KMT2C: variants seen among roughly 807,000 people sequenced by gnomAD.
The protein encoded by KMT2C is histone-lysine N-methyltransferase 2C.
KMT2C carries 88 observed loss-of-function variants against 507.9 expected under a neutral mutation model. The observed-to-expected ratio is 0.17, with a 90% CI of 0.15 to 0.21. KMT2C has a LOEUF of 0.21. Ranked by LOEUF, KMT2C falls within the 10% of genes least tolerant of loss-of-function variation. The pLI, the probability that KMT2C is intolerant of heterozygous loss-of-function variation, is 1.00. For missense variants in KMT2C, 4,954 were observed against 5,957.8 expected (o/e 0.83, Z 5.55); for synonymous variants, 2,049 against 2,080.8 (o/e 0.98, Z 0.42).
chr7:152,406,227 C>G (rs2982759), intron 1 of KMT2C, among the ~76,000 whole-genome samples: 1,159 of 122,288 alleles, frequency 9.5e-3, no homozygotes, highest in South Asian at 0.021. Context: ...GGGTGGATCA[C>G]TTGAGCCCAG....
At chr7:152,384,325 G>A (rs542113114) in intron 1 of KMT2C, among the ~76,000 whole-genome samples, 5 of 151,992 alleles carry the variant, frequency 3.3e-5, no homozygotes, top group African/African-American at 9.7e-5. Flanking sequence ...TGACTCTCTC[G>A]CACCAAGCTC....
chr7:152,275,871 G>A (rs1227203685), intron 6 of KMT2C, among the ~76,000 whole-genome samples: 1 of 152,098 alleles, frequency 6.6e-6, no homozygotes, highest in African/African-American at 2.4e-5. Flanking sequence ...GATACCATAT[G>A]GCAAGTTTTG....
At chr7:152,308,748 A>C (rs1341548019) in intron 6 of KMT2C, among the ~76,000 whole-genome samples, 1 of 149,112 alleles carries the variant, frequency 6.7e-6, no homozygotes, top group African/African-American at 2.5e-5. Flanking sequence ...GCACTTTGAG[A>C]GGCCAAGAAG....
chr7:152,158,806 C>T (rs2092267382), intron 44 of KMT2C, 57 bp downstream of exon 44: 3 of 1,512,748 alleles, frequency 2.0e-6, no homozygotes, highest in African/African-American at 1.4e-5. Context: ...TGAGCCACTG[C>T]CCCCAGCCTA....
Position 152,138,966 on chromosome 7 carries a change from C to A in KMT2C, c.14535-62G>T. ...CAGCTAGAAGCAGCTTTAAAAACTTCCCATTTATTGATAAAGCAGTTTTTG... is the reference window on the plus strand; with the variant it reads ...CAGCTAGAAGCAGCTTTAAAAACTTACCATTTATTGATAAAGCAGTTTTTG... On this transcript the variant is annotated intron_variant, in intron 57 of 58. Coordinates refer to ENST00000262189, the MANE Select transcript of KMT2C (RefSeq NM_170606.3). This position sits in a 1 kb window ranked among gnomAD's most constrained non-coding sequence, Gnocchi z 4.2. 1 of 1,296,248 alleles carries A rather than the reference C, an allele frequency of 7.7e-7. No homozygotes were observed. Among genetic ancestry groups the A allele is most frequent in the Middle Eastern group, 1.9e-4 (1 of 5,400 alleles). The allele number at this position is 1,296,248 out of a possible 1,614,324, so 80.3% of individuals were successfully genotyped here.
chr7:152,372,583 G>C (rs1240485779), intron 1 of KMT2C, among the ~76,000 whole-genome samples: 2 of 152,182 alleles, frequency 1.3e-5, no homozygotes, highest in Non-Finnish European at 2.9e-5. Context: ...ACCAAAGAGA[G>C]CAGAGGATCC....
chr7:152,186,383 A>G (rs2093627744), intron 33 of KMT2C, among the ~76,000 whole-genome samples: 1 of 152,262 alleles, frequency 6.6e-6, no homozygotes. Flanking sequence ...ATGTACGTTC[A>G]TAAACAGCAA....
chr7:152,338,151 C>A (rs560030587), intron 2 of KMT2C, among the ~76,000 whole-genome samples: 1 of 152,284 alleles, frequency 6.6e-6, no homozygotes, highest in South Asian at 2.1e-4. Flanking sequence ...AGCCACCGTG[C>A]CCAGCCCTCA....
chr7:152,255,120 T>TAC (rs1554583676), intron 9 of KMT2C, among the ~76,000 whole-genome samples: 1 of 103,024 alleles, frequency 9.7e-6, no homozygotes, highest in Non-Finnish European at 1.7e-5. Context: ...TATATATATA[T>TAC]ATATATATAT....
chr7:152,273,831 T>C lies in KMT2C; in HGVS notation c.886A>G (p.Lys296Glu). 6.2e-7 allele frequency: 1 copy of C among 1,614,014 alleles called. No homozygotes were observed. The highest frequency in any genetic ancestry group is 8.5e-7 in the Non-Finnish European group (1 of 1,179,864). Residue 296 changes from lysine (K) to glutamate (E), a missense_variant, in exon 7 of 59, where the codon AAA becomes GAA. Transcript: ENST00000262189. ...TGGGTACATTTCTCTTCACAGCATT[T>C]GATAGTGGCTCCAAGGTGCTTACAA... is the stretch of plus-strand genomic sequence containing the variant. ...AFCKHLGATI[K>E]CCEEKCTQMY...
intron 1 of KMT2C, among the ~76,000 whole-genome samples, chr7:152,378,262 T>C (rs2097344099): frequency 6.6e-6 from 1 of 152,230 alleles, no homozygotes; most frequent in Non-Finnish European, 1.5e-5. Flanking sequence ...CAGAGAAATC[T>C]TTCATGAAAG....
At chr7:152,159,176 A>C (rs2092293769) in intron 43 of KMT2C, 104 bp from the exon 44 acceptor site, 4 of 926,848 alleles carry the variant, frequency 4.3e-6, no homozygotes, top group Non-Finnish European at 5.1e-6. Context: ...ATGGCACTAA[A>C]AGGTATTAAA....
chr7:152,356,897 GAATAATAATAATAATAATAAT>G (rs55935930), intron 2 of KMT2C, among the ~76,000 whole-genome samples: 5 of 138,338 alleles, frequency 3.6e-5, no homozygotes, highest in Admixed American at 1.5e-4. Context: ...AACTCAAAAA[GAATAATAATAATAATAATAAT>G]AATAATAATA....
intron 1 of KMT2C, among the ~76,000 whole-genome samples, chr7:152,430,110 G>A (rs1364888310): frequency 8.6e-5 from 13 of 151,230 alleles, no homozygotes; most frequent in African/African-American, 2.4e-4. Context: ...TCCGGAGGGC[G>A]GCAGCCACAG....
chr7:152,151,319 A>T, intron 50 of KMT2C, 123 bp downstream of exon 50: 4 of 1,001,692 alleles, frequency 4.0e-6, no homozygotes, highest in Non-Finnish European at 5.9e-6. Context: ...TGGTGCCATC[A>T]CCAGGAACAT....
intron 26 of KMT2C, among the ~76,000 whole-genome samples, chr7:152,202,350 T>A (rs945031484): frequency 6.6e-5 from 10 of 152,200 alleles, no homozygotes; most frequent in African/African-American, 2.4e-4. Flanking sequence ...GGCCTTAAAC[T>A]CTGACTTAAT....
At chr7:152,355,933 A>G (rs1424995264) in intron 2 of KMT2C, among the ~76,000 whole-genome samples, 1 of 152,108 alleles carries the variant, frequency 6.6e-6, no homozygotes, top group East Asian at 1.9e-4. Context: ...CACCCCCCTT[A>G]TGCTAATGAA....
In KMT2C at chr7:152,209,334, G is replaced by C. The variant is rs541629541; in HGVS notation, c.3713-1906C>G. On this transcript the variant is annotated intron_variant, in intron 23 of 58. Transcript: ENST00000262189. ...TAGCCAGGTGAGGTGGCTGGTGCCT[G>C]TAGTCCCAGCTACGTGGGAGGCTGA... 2.0e-5 allele frequency among the ~76,000 whole-genome samples: 3 copies of C among 149,134 alleles called. No homozygotes were observed. In the East Asian group the frequency reaches 6.0e-4, roughly 30 times the overall value.
chr7:152,386,385 G>T (rs1476010514), intron 1 of KMT2C, among the ~76,000 whole-genome samples: 8 of 151,684 alleles, frequency 5.3e-5, no homozygotes, highest in African/African-American at 2.0e-4. Flanking sequence ...GAGGTGAAAA[G>T]TGACTTGCTT....
Sources: allele counts gnomAD v4.1 joint callset (sites outside exome capture counted in the v4.1 genomes callset), GRCh38; gene constraint gnomAD v4.1.1; non-coding constraint Gnocchi (gnomAD v3.1); transcripts MANE v1.5; gene names NCBI Gene and HGNC (gene_info 2026-07-23, HGNC 2026-07-21).